PLEKHM3: variants seen among roughly 807,000 people sequenced by gnomAD.
PLEKHM3 encodes the protein pleckstrin homology domain-containing family M member 3.
PLEKHM3 carries 45 observed loss-of-function variants against 81.8 expected under a neutral mutation model. That is an observed-to-expected ratio of 0.55 (90% CI 0.43 to 0.71). PLEKHM3 has a LOEUF of 0.71. Ranked by LOEUF, PLEKHM3 falls within the 30% of genes least tolerant of loss-of-function variation. The probability of loss-of-function intolerance (pLI) is 0.00; values close to 1 mark genes in which losing one functional copy is unlikely to be tolerated. For synonymous variants in PLEKHM3, 352 were observed against 356.4 expected (o/e 0.99, Z 0.14); for missense variants, 788 against 924.3 (o/e 0.85, Z 1.91).
chr2:207,979,070 T>A (rs778843000), intron 2 of PLEKHM3, among the ~76,000 whole-genome samples: 1 of 152,200 alleles, frequency 6.6e-6, no homozygotes, highest in Non-Finnish European at 1.5e-5. Flanking sequence ...CCTAGCACAA[T>A]GCTCAGCACA....
At chr2:207,944,500 G>T (rs1198741450) in intron 4 of PLEKHM3, among the ~76,000 whole-genome samples, 1 of 152,164 alleles carries the variant, frequency 6.6e-6, no homozygotes, top group Non-Finnish European at 1.5e-5. Flanking sequence ...CACGTTTATA[G>T]GTCAGTTGAC....
At chr2:207,956,035 C>T (rs542523154) in intron 3 of PLEKHM3, among the ~76,000 whole-genome samples, 7 of 152,062 alleles carry the variant, frequency 4.6e-5, no homozygotes, top group South Asian at 4.2e-4. Flanking sequence ...GGAAAAGGAA[C>T]GTTCATTCAT....
At chr2:207,929,894 T>C (rs936155689) in intron 5 of PLEKHM3, 23 of 700,496 alleles carry the variant, frequency 3.3e-5, no homozygotes, top group East Asian at 8.1e-5. Context: ...CAGGTAGGCT[T>C]ACCTCCAAAA....
chr2:207,950,344 C>T (rs1690288515), intron 3 of PLEKHM3, among the ~76,000 whole-genome samples: 1 of 152,232 alleles, frequency 6.6e-6, no homozygotes, highest in Non-Finnish European at 1.5e-5. Flanking sequence ...CTGTTCTTGC[C>T]TAGGCACCAC....
At chr2:208,000,974 C>T in intron 2 of PLEKHM3, 56 bp downstream of exon 2, 1 of 1,377,546 alleles carries the variant, frequency 7.3e-7, no homozygotes, top group Admixed American at 2.9e-5. Flanking sequence ...TTATCTGAGT[C>T]ACAGCCCCAA....
intron 7 of PLEKHM3, among the ~76,000 whole-genome samples, chr2:207,850,104 C>T (rs985945186): frequency 3.3e-5 from 5 of 152,126 alleles, no homozygotes; most frequent in African/African-American, 1.2e-4. Flanking sequence ...TTCTAGCAAC[C>T]CCCTATCACC....
intron 6 of PLEKHM3, among the ~76,000 whole-genome samples, chr2:207,898,428 G>A (rs1057084425): frequency 3.3e-5 from 5 of 152,116 alleles, no homozygotes; most frequent in African/African-American, 9.7e-5. Context: ...AATCAACATA[G>A]CTCTATTCTA....
At chr2:207,981,370 G>C (rs1267468127) in intron 2 of PLEKHM3, among the ~76,000 whole-genome samples, 1 of 152,064 alleles carries the variant, frequency 6.6e-6, no homozygotes, top group African/African-American at 2.4e-5. Context: ...TTGAGACAGG[G>C]TCTTGCACTG....
chr2:207,981,457 T>A (rs1691520334), intron 2 of PLEKHM3, among the ~76,000 whole-genome samples: 2 of 152,138 alleles, frequency 1.3e-5, no homozygotes, highest in African/African-American at 4.8e-5. Flanking sequence ...ACAATTCTCC[T>A]GCCTCAGCCT....
Position 207,865,801 on chromosome 2 carries a change from A to AAAAAAAAAAAAAAATATAT in PLEKHM3, c.1951-4540_1951-4539insATATATTTTTTTTTTTTTT. Among the ~76,000 whole-genome samples, 3 of 25,290 alleles carry AAAAAAAAAAAAAAATATAT rather than the reference A, an allele frequency of 1.2e-4. 1 individual carries two copies. Among genetic ancestry groups the AAAAAAAAAAAAAAATATAT allele is most frequent in the Admixed American group, 6.7e-4 (2 of 3,000 alleles). The allele number at this position is 25,290 out of a possible 152,430, so 16.6% of individuals were successfully genotyped here. A position where few individuals can be genotyped will look rare whatever the true frequency, so the allele number is the denominator to read the frequency against. On this transcript the variant is annotated intron_variant, in intron 6 of 7. Coordinates refer to ENST00000427836, the MANE Select transcript of PLEKHM3 (RefSeq NM_001080475.3). The stretch of plus-strand genomic sequence containing the variant: ...CGACTCAAAAAAAAAAAAAAAAAAA[A>AAAAAAAAAAAAAAATATAT]AGATATATATATATATATATATATA...
At chr2:207,948,252 C>T (rs1690201894) in intron 3 of PLEKHM3, among the ~76,000 whole-genome samples, 1 of 151,898 alleles carries the variant, frequency 6.6e-6, no homozygotes, top group South Asian at 2.1e-4. Context: ...CACTCACTGA[C>T]TGCATTACTC....
intron 2 of PLEKHM3, among the ~76,000 whole-genome samples, chr2:207,980,198 TCC>T (rs879768152): frequency 2.6e-5 from 4 of 152,262 alleles, no homozygotes; most frequent in Non-Finnish European, 4.4e-5. Flanking sequence ...GGAATTTTCC[TCC>T]CCTCTTCTTA....
intron 2 of PLEKHM3, among the ~76,000 whole-genome samples, chr2:207,987,532 A>C (rs1269892122): frequency 6.6e-6 from 1 of 152,234 alleles, no homozygotes; most frequent in African/African-American, 2.4e-5. Flanking sequence ...GCTGAGACAC[A>C]TGCGGACTCA....
Position 207,843,084 on chromosome 2 carries a change from A to G in PLEKHM3, c.2109-14588T>C, listed in dbSNP as rs7558934. Among the ~76,000 whole-genome samples, 98,518 of 152,046 alleles carry G rather than the reference A, an allele frequency of 0.65. 32,570 individuals carry two copies. The highest frequency in any genetic ancestry group is 0.74 in the African/African-American group (30,760 of 41,472). Reference sequence around the variant, plus strand: ...TCCCACCACAGCTACCAGTGTAGCTAAAGCTACGGGTGCACACCACCATAG... The same window carrying G: ...TCCCACCACAGCTACCAGTGTAGCTGAAGCTACGGGTGCACACCACCATAG... On this transcript the variant is annotated intron_variant, in intron 7 of 7. Transcript: ENST00000427836. This position sits in a 1 kb window ranked among gnomAD's most constrained non-coding sequence, Gnocchi z 4.4.
At chr2:207,846,982 A>C (rs1260143820) in intron 7 of PLEKHM3, among the ~76,000 whole-genome samples, 3 of 152,204 alleles carry the variant, frequency 2.0e-5, no homozygotes, top group African/African-American at 7.2e-5. Context: ...AGAAAGTTAA[A>C]ATGAGTTAAA....
At chr2:207,851,363 A>G (rs1179399949) in intron 7 of PLEKHM3, 1 of 152,156 alleles carries the variant, frequency 6.6e-6, no homozygotes, top group East Asian at 1.9e-4. Context: ...ATAATTCAGG[A>G]TATTCTTATT....
intron 3 of PLEKHM3, among the ~76,000 whole-genome samples, chr2:207,968,746 T>C (rs536944400): frequency 1.3e-5 from 2 of 152,206 alleles, no homozygotes; most frequent in African/African-American, 4.8e-5. Flanking sequence ...GTTGGAAAAA[T>C]AAAATTTAGC....
chr2:207,858,067 T>G (rs2092445243), intron 7 of PLEKHM3, among the ~76,000 whole-genome samples: 1 of 151,848 alleles, frequency 6.6e-6, no homozygotes, highest in Non-Finnish European at 1.5e-5. Flanking sequence ...TTGTGCATCC[T>G]TCTTTGACCC....
chr2:207,898,969 G>T (rs1183622736), intron 6 of PLEKHM3, among the ~76,000 whole-genome samples: 1 of 152,148 alleles, frequency 6.6e-6, no homozygotes, highest in East Asian at 1.9e-4. Context: ...CTAGGCTTTA[G>T]CCGGAAGTTC....
Sources: allele counts gnomAD v4.1 joint callset (sites outside exome capture counted in the v4.1 genomes callset), GRCh38; gene constraint gnomAD v4.1.1; non-coding constraint Gnocchi (gnomAD v3.1); transcripts MANE v1.5; gene names NCBI Gene and HGNC (gene_info 2026-07-23, HGNC 2026-07-21).